Variants in NAALADL2 observed in about 807,000 individuals in gnomAD.
NAALADL2 encodes inactive N-acetylated-alpha-linked acidic dipeptidase-like protein 2.
NAALADL2 carries 76 observed loss-of-function variants against 87.2 expected under a neutral mutation model. That is an observed-to-expected ratio of 0.87 (90% confidence interval 0.72 to 1.05). The LOEUF is 1.05. Ranked by LOEUF, NAALADL2 falls within the 50% of genes least tolerant of loss-of-function variation. The pLI is 0.00. For missense variants in NAALADL2, 1,089 were observed against 945.8 expected (o/e 1.15, Z -1.99); for synonymous variants, 354 against 331.0 (o/e 1.07, Z -0.75).
intron 1 of NAALADL2, among the ~76,000 whole-genome samples, chr3:174,965,513 T>A (rs1042565345): frequency 6.6e-6 from 1 of 152,112 alleles, no homozygotes; most frequent in Non-Finnish European, 1.5e-5. Flanking sequence ...ATTTCAAATA[T>A]ATGCAAGTAT....
At chr3:175,511,628 T>C (rs983146452) in intron 9 of NAALADL2, among the ~76,000 whole-genome samples, 2 of 152,196 alleles carry the variant, frequency 1.3e-5, no homozygotes, top group African/African-American at 4.8e-5. Flanking sequence ...AATACAGCCA[T>C]GGCAAATAAA....
chr3:175,324,098 C>G (rs1760368915), intron 4 of NAALADL2, 77 bp from the exon 5 acceptor site: 3 of 1,077,336 alleles, frequency 2.8e-6, no homozygotes, highest in Non-Finnish European at 2.7e-6. Flanking sequence ...CTTATCATAG[C>G]CACATTGGCA....
chr3:174,526,718 C>T (rs918055822), intron 1 of NAALADL2, among the ~76,000 whole-genome samples: 1 of 150,376 alleles, frequency 6.6e-6, no homozygotes, highest in African/African-American at 2.5e-5. Flanking sequence ...TTCTGTCACC[C>T]AGGCTGGAGT....
chr3:175,207,466 CAAT>C (rs1741114408), intron 2 of NAALADL2, among the ~76,000 whole-genome samples: 1 of 151,792 alleles, frequency 6.6e-6, no homozygotes, highest in Non-Finnish European at 1.5e-5. Flanking sequence ...TCCCGTACAA[CAAT>C]GACTTCCTAC....
intron 4 of NAALADL2, among the ~76,000 whole-genome samples, chr3:175,269,322 A>C (rs890023010): frequency 5.9e-5 from 9 of 152,158 alleles, no homozygotes; most frequent in African/African-American, 2.2e-4. Context: ...CAAACCACTA[A>C]TATAGTTGAT....
At position 174,464,714 on chromosome 3, in the gene NAALADL2, A is replaced by G. The variant is rs575253819; in HGVS notation, c.-184+23682A>G. 1.6e-3 allele frequency among the ~76,000 whole-genome samples: 241 copies of G among 152,150 alleles called. 1 individual carries two copies. The highest frequency in any genetic ancestry group is 5.5e-3 in the African/African-American group (230 of 41,558). ...TTGATTTTTGACAATATTTTAATTG[A>G]ATGTTAGATTAACATGCAATACATA... is the stretch of plus-strand genomic sequence containing the variant. On this transcript the variant is annotated intron_variant, in intron 1 of 3. Coordinates refer to the NAALADL2 transcript ENST00000434257.
At chr3:174,843,044 ACAAT>A (rs1189857074) in intron 3 of NAALADL2, among the ~76,000 whole-genome samples, 56 of 152,160 alleles carry the variant, frequency 3.7e-4, no homozygotes, top group Non-Finnish European at 1.5e-5. Context: ...GATACATATG[ACAAT>A]CAAATCAGGG....
At chr3:174,756,277 G>T (rs74434041) in intron 3 of NAALADL2, among the ~76,000 whole-genome samples, 5,241 of 152,196 alleles carry the variant, frequency 0.034, 102 homozygotes, top group Middle Eastern at 0.068. Context: ...AATTTTCTAA[G>T]TCCAAATTAA....
intron 1 of NAALADL2, among the ~76,000 whole-genome samples, chr3:175,087,722 G>A (rs1580373899): frequency 1.3e-5 from 2 of 152,018 alleles, no homozygotes; most frequent in East Asian, 1.9e-4. Context: ...TGCTCATTAA[G>A]AGTCATCACC....
rs1056943241 is a variant in NAALADL2 at position 175,627,292 on chromosome 3, G to A, written c.1802G>A (p.Gly601Asp). 4 of 1,560,154 alleles carry A rather than the reference G, an allele frequency of 2.6e-6. No homozygotes were observed. In the Admixed American group the frequency reaches 5.7e-5, roughly 22 times the overall value. The change falls in exon 11 of 14, where the codon GGT (glycine) becomes GAT (aspartate). Residue 601 changes from glycine (G) to aspartate (D), a missense_variant and splice_region_variant. Gly to Asp is a moderately conservative substitution (Grantham distance 94). Coordinates refer to ENST00000454872, the MANE Select transcript of NAALADL2 (RefSeq NM_207015.3). ...FAYEDIKTLE[G>D]PSFLSEARFS... ...TGTTTCTTTTTTGATTTGCCGCAGG[G>A]TCCAAGTTTTCTCTCCGAGGCCCGT...
chr3:174,577,084 G>A (rs1200259229), intron 2 of NAALADL2, among the ~76,000 whole-genome samples: 8 of 151,974 alleles, frequency 5.3e-5, no homozygotes. Context: ...TCCTCTTGGT[G>A]ACTTATATTA....
At chr3:175,774,956 T>C (rs1750016049) in intron 13 of NAALADL2, 1 of 152,100 alleles carries the variant, frequency 6.6e-6, no homozygotes, top group African/African-American at 2.4e-5. Flanking sequence ...ATAGTTCTAC[T>C]TTATAGTGTT....
At chr3:174,935,001 A>T (rs1463732886) in intron 1 of NAALADL2, among the ~76,000 whole-genome samples, 1 of 152,072 alleles carries the variant, frequency 6.6e-6, no homozygotes, top group Non-Finnish European at 1.5e-5. Flanking sequence ...ATGGCAAATG[A>T]ACTGTCCTGC....
chr3:175,786,320 C>T (rs559607384), intron 13 of NAALADL2, among the ~76,000 whole-genome samples: 12 of 152,308 alleles, frequency 7.9e-5, no homozygotes, highest in African/African-American at 2.4e-4. Flanking sequence ...CCATTCTCCC[C>T]ATCACTTTCA....
intron 11 of NAALADL2, among the ~76,000 whole-genome samples, chr3:175,672,199 G>T (rs1211019320): frequency 6.6e-6 from 1 of 152,032 alleles, no homozygotes; most frequent in East Asian, 1.9e-4. Flanking sequence ...AATTGTGTTG[G>T]CTTTTTAATG....
At chr3:175,384,407 A>G (rs2148995833) in intron 5 of NAALADL2, among the ~76,000 whole-genome samples, 1 of 152,170 alleles carries the variant, frequency 6.6e-6, no homozygotes, top group African/African-American at 2.4e-5. Flanking sequence ...AGTGCACACA[A>G]TTTGGAAAGA....
chr3:175,078,762 G>A (rs1333015937), intron 1 of NAALADL2, among the ~76,000 whole-genome samples: 1 of 152,152 alleles, frequency 6.6e-6, no homozygotes, highest in African/African-American at 2.4e-5. Context: ...CTATGTATCA[G>A]TACTTAATTC....
Position 174,636,989 on chromosome 3 carries a change from A to G in NAALADL2, c.-115+86352A>G, listed in dbSNP as rs1722714200. Among the ~76,000 whole-genome samples the G allele has an allele frequency of 2.0e-5, 3 of 152,174 alleles. No individual in the cohort carries two copies. The South Asian group carries it at 6.2e-4, about 31-fold the overall frequency. On this transcript the variant is annotated intron_variant, in intron 2 of 3. Coordinates refer to the NAALADL2 transcript ENST00000434257. ...ATACACAATGGAATACTATTTGGCCATTAAAAAGAATGAAATCATGTTATT... is the reference window on the plus strand; with the variant it reads ...ATACACAATGGAATACTATTTGGCCGTTAAAAAGAATGAAATCATGTTATT...
intron 1 of NAALADL2, among the ~76,000 whole-genome samples, chr3:175,023,406 G>C (rs1751817521): frequency 6.6e-6 from 1 of 152,030 alleles, no homozygotes; most frequent in South Asian, 2.1e-4. Flanking sequence ...GGAAAAGGGA[G>C]AAAGAAAATG....
Sources: allele counts gnomAD v4.1 joint callset (sites outside exome capture counted in the v4.1 genomes callset), GRCh38; gene constraint gnomAD v4.1.1; transcripts MANE v1.5; gene names NCBI Gene and HGNC (gene_info 2026-07-23, HGNC 2026-07-21).